CDCA7L: variants seen among roughly 807,000 people sequenced by gnomAD.
The protein encoded by CDCA7L is cell division cycle associated 7 like.
In CDCA7L, 44 loss-of-function variants were observed where a neutral mutation model predicts 57.4. The observed-to-expected ratio is 0.77, with a 90% CI of 0.60 to 0.98. CDCA7L has a LOEUF of 0.98. CDCA7L is among the 50% of genes least tolerant of loss of function. The pLI, the probability that CDCA7L is intolerant of heterozygous loss-of-function variation, is 0.00. For missense variants in CDCA7L, 644 were observed against 580.6 expected, an observed-to-expected ratio of 1.11 and a Z score of -1.12; for synonymous variants, 236 against 202.8, an observed-to-expected ratio of 1.16 and a Z score of -1.39.
intron 1 of CDCA7L, among the ~76,000 whole-genome samples, chr7:21,938,401 A>C (rs2128070404): frequency 6.6e-6 from 1 of 152,288 alleles, no homozygotes; most frequent in East Asian, 1.9e-4. Flanking sequence ...GGAAAGAACT[A>C]GGGCTGGCAA....
intron 1 of CDCA7L, among the ~76,000 whole-genome samples, chr7:21,939,998 T>C (rs1583880936): frequency 6.8e-6 from 1 of 147,572 alleles, no homozygotes; most frequent in Middle Eastern, 3.5e-3. Context: ...TTCCGTCTTG[T>C]TCACATTACA....
intron 9 of CDCA7L, 193 bp downstream of exon 9, chr7:21,902,782 AAAG>A (rs1784971744): frequency 1.8e-6 from 1 of 563,378 alleles, no homozygotes; most frequent in Non-Finnish European, 3.0e-6. Flanking sequence ...AAAATCTAGC[AAAG>A]GAGAAGATTC....
At chr7:21,907,571 CAA>C (rs1298350588) in intron 4 of CDCA7L, among the ~76,000 whole-genome samples, 9 of 152,124 alleles carry the variant, frequency 5.9e-5, no homozygotes, top group Admixed American at 2.0e-4. Flanking sequence ...ATATATGTAA[CAA>C]AGATTTCACC....
At chr7:21,920,461 TTCAA>T (rs1785616506) in intron 1 of CDCA7L, among the ~76,000 whole-genome samples, 2 of 152,192 alleles carry the variant, frequency 1.3e-5, no homozygotes, top group African/African-American at 4.8e-5. Context: ...AAAATAATGG[TTCAA>T]TCAAAGGAAG....
intron 7 of CDCA7L, among the ~76,000 whole-genome samples, chr7:21,904,997 C>G (rs1040828482): frequency 6.6e-6 from 1 of 152,130 alleles, no homozygotes; most frequent in African/African-American, 2.4e-5. Flanking sequence ...AATGTGAGAT[C>G]TATTTTTTTT....
At chr7:21,939,766 TCA>T (rs1306193226) in intron 1 of CDCA7L, among the ~76,000 whole-genome samples, 5 of 152,062 alleles carry the variant, frequency 3.3e-5, no homozygotes, top group Admixed American at 3.3e-4. Context: ...GGCATTCCCC[TCA>T]CCCTCATCAC....
At chr7:21,919,756 T>C (rs1438536513) in intron 1 of CDCA7L, among the ~76,000 whole-genome samples, 4 of 152,016 alleles carry the variant, frequency 2.6e-5, no homozygotes, top group African/African-American at 7.2e-5. Context: ...TGGTGCTCTA[T>C]CTACAATAAA....
rs1487361556 is a variant in CDCA7L at position 21,902,956 on chromosome 7, A to C, written c.1334+22T>G. 6.2e-6 allele frequency: 10 copies of C among 1,607,130 alleles called. No homozygotes were observed. The African/African-American group carries it at 1.3e-4, about 21-fold the overall frequency. Reference sequence around the variant, plus strand: ...GCCTCAAGATTTCAAGCTGTTTTGTAAGCTGCTAGAGACTTACTTACCTCT... The same window carrying C: ...GCCTCAAGATTTCAAGCTGTTTTGTCAGCTGCTAGAGACTTACTTACCTCT... On this transcript the variant is annotated intron_variant, in intron 9 of 9. Transcript: ENST00000406877.
chr7:21,905,633 T>C lies in CDCA7L; in HGVS notation c.922-2A>G. On this transcript the variant is annotated splice_acceptor_variant, in intron 6 of 9. Coordinates refer to ENST00000406877, the MANE Select transcript of CDCA7L (RefSeq NM_018719.5). LOFTEE classifies it high-confidence loss of function. ...TCGTCTGTACTCCCGGCATTTCCCC[T>C]GCACAATGAACACAAGCAGAACATG... 1 of 1,613,410 alleles carries C rather than the reference T, an allele frequency of 6.2e-7. No individual in the cohort carries two copies. The highest frequency in any genetic ancestry group is 8.5e-7 in the Non-Finnish European group (1 of 1,179,850).
intron 9 of CDCA7L, chr7:21,902,757 G>T: frequency 3.8e-6 from 2 of 526,676 alleles, no homozygotes; most frequent in African/African-American, 1.9e-5. Flanking sequence ...TAAAGGCAAC[G>T]TGGAGTTGAG....
chr7:21,936,329 T>A (rs957625628), intron 1 of CDCA7L, among the ~76,000 whole-genome samples: 2 of 152,240 alleles, frequency 1.3e-5, no homozygotes, highest in African/African-American at 4.8e-5. Context: ...ACTCATTCTA[T>A]GTGACCAGCA....
chr7:21,903,483 C>T (rs1053190170), intron 8 of CDCA7L, among the ~76,000 whole-genome samples: 3 of 152,092 alleles, frequency 2.0e-5, no homozygotes, highest in Non-Finnish European at 4.4e-5. Context: ...TCAATGTGTG[C>T]TTATTGTTGA....
At chr7:21,903,488 T>G (rs768096903) in intron 8 of CDCA7L, among the ~76,000 whole-genome samples, 1 of 152,128 alleles carries the variant, frequency 6.6e-6, no homozygotes, top group Non-Finnish European at 1.5e-5. Flanking sequence ...GTGTGCTTAT[T>G]GTTGAATGAC....
chr7:21,902,258 C>CAATGGTATGCATGTCTTGTTG lies in CDCA7L; in HGVS notation c.*43_*63dup. The CAATGGTATGCATGTCTTGTTG allele has an allele frequency of 6.9e-7, 1 of 1,445,622 alleles. No homozygotes were observed. The highest frequency in any genetic ancestry group is 9.7e-7 in the Non-Finnish European group (1 of 1,028,168). 89.5% of individuals were successfully genotyped at this position (1,445,622 alleles called of 1,614,324 possible). On this transcript the variant is annotated 3_prime_UTR_variant, in exon 10 of 10. Transcript: ENST00000406877. ...CTGTAAAAAAATCTTTCTTAGGCAC[C>CAATGGTATGCATGTCTTGTTG]AATGGTATGCATGTCTTGTTGGAGT... is the stretch of plus-strand genomic sequence containing the variant.
intron 6 of CDCA7L, 63 bp from the exon 7 acceptor site, chr7:21,905,694 A>G: frequency 6.5e-7 from 1 of 1,531,456 alleles, no homozygotes; most frequent in Non-Finnish European, 8.8e-7. Flanking sequence ...AATTATAAAT[A>G]TTTTAAACTC....
chr7:21,943,170 T>C (rs141755040), intron 1 of CDCA7L, among the ~76,000 whole-genome samples: 1 of 152,312 alleles, frequency 6.6e-6, no homozygotes, highest in African/African-American at 2.4e-5. Flanking sequence ...TGTCATTTTA[T>C]ATAAAAGCAC....
chr7:21,901,971 T>TAG lies in CDCA7L; in HGVS notation c.*349_*350dup, dbSNP rs1562616616. 1.2e-4 allele frequency: 1 copy of TAG among 8,504 alleles called. No homozygotes were observed. The allele number at this position is 8,504 out of a possible 1,614,324, so 0.5% of individuals were successfully genotyped here. On this transcript the variant is annotated 3_prime_UTR_variant, in exon 10 of 10. Coordinates refer to ENST00000406877, the MANE Select transcript of CDCA7L (RefSeq NM_018719.5). ...GAGTTACTGTTTGGGAAGCCAAAGA[T>TAG]AGATAGATCAAGTGCAGGAGCTGAT...
At chr7:21,941,071 C>T (rs1171415880) in intron 1 of CDCA7L, among the ~76,000 whole-genome samples, 1 of 152,090 alleles carries the variant, frequency 6.6e-6, no homozygotes, top group Non-Finnish European at 1.5e-5. Context: ...TCAGAGGCTC[C>T]TAACCATTGA....
intron 1 of CDCA7L, among the ~76,000 whole-genome samples, chr7:21,943,571 T>G (rs1786413529): frequency 6.6e-6 from 1 of 152,236 alleles, no homozygotes; most frequent in South Asian, 2.1e-4. Flanking sequence ...TCATTAAGTG[T>G]TCTTATCCGC....
Sources: allele counts gnomAD v4.1 joint callset (sites outside exome capture counted in the v4.1 genomes callset), GRCh38; gene constraint gnomAD v4.1.1; transcripts MANE v1.5; gene names NCBI Gene and HGNC (gene_info 2026-07-23, HGNC 2026-07-21).